Variants in MALRD1 observed in about 807,000 individuals in gnomAD.
The protein encoded by MALRD1 is MAM and LDL-receptor class A domain-containing protein 1.
MALRD1 carries 247 observed loss-of-function variants against 242.1 expected under a neutral mutation model. That is an observed-to-expected ratio of 1.02 (90% CI 0.92 to 1.13). The LOEUF (loss-of-function observed/expected upper bound fraction) is 1.13, where lower values mean the gene tolerates loss of function less well. Ranked by LOEUF, MALRD1 falls within the 50% of genes most tolerant of loss-of-function variation. The probability of loss-of-function intolerance (pLI) is 0.00; values close to 1 mark genes in which losing one functional copy is unlikely to be tolerated. For synonymous variants in MALRD1, 995 were observed against 866.6 expected, an observed-to-expected ratio of 1.15 and a Z score of -2.60; for missense variants, 2,989 against 2,533.1, an observed-to-expected ratio of 1.18 and a Z score of -3.86.
At chr10:19,542,719 T>G (rs1181091836) in intron 32 of MALRD1, among the ~76,000 whole-genome samples, 3 of 152,134 alleles carry the variant, frequency 2.0e-5, no homozygotes, top group Non-Finnish European at 2.9e-5. Context: ...GATAAATAGA[T>G]GTTAGAAATA....
chr10:19,455,628 G>A (rs567020221), intron 29 of MALRD1, among the ~76,000 whole-genome samples: 21 of 152,298 alleles, frequency 1.4e-4, no homozygotes, highest in Admixed American at 1.4e-3. Context: ...GATATAGCAA[G>A]CATCTGAATA....
intron 29 of MALRD1, among the ~76,000 whole-genome samples, chr10:19,481,037 C>A (rs1470742209): frequency 6.6e-6 from 1 of 152,022 alleles, no homozygotes; most frequent in Non-Finnish European, 1.5e-5. Flanking sequence ...TATATATATA[C>A]TTTTCTTTCA....
At chr10:19,356,056 A>G (rs1177738317) in intron 26 of MALRD1, among the ~76,000 whole-genome samples, 2 of 151,508 alleles carry the variant, frequency 1.3e-5, no homozygotes, top group Non-Finnish European at 2.9e-5. Flanking sequence ...GGTTGGATGA[A>G]TGAGCTCTAA....
intron 31 of MALRD1, among the ~76,000 whole-genome samples, chr10:19,502,046 G>T (rs1387763370): frequency 3.5e-5 from 5 of 142,138 alleles, no homozygotes; most frequent in South Asian, 2.2e-4. Context: ...GAAAAGAAAA[G>T]AAAAGAAGAA....
At chr10:19,235,242 C>G (rs1319878994) in intron 18 of MALRD1, among the ~76,000 whole-genome samples, 1 of 152,066 alleles carries the variant, frequency 6.6e-6, no homozygotes, top group Admixed American at 6.6e-5. Context: ...TAAAAATATA[C>G]AGACACTTCC....
intron 38 of MALRD1, among the ~76,000 whole-genome samples, chr10:19,709,297 G>T (rs1427125967): frequency 6.7e-6 from 1 of 150,364 alleles, no homozygotes; most frequent in Non-Finnish European, 1.5e-5. Context: ...ATGGTGGCAT[G>T]CACCAGCTAC....
chr10:19,558,430 C>G (rs1208433046), intron 32 of MALRD1, among the ~76,000 whole-genome samples: 1 of 152,144 alleles, frequency 6.6e-6, no homozygotes, highest in African/African-American at 2.4e-5. Flanking sequence ...AGTTCCCTAA[C>G]AGTTGTCATC....
intron 36 of MALRD1, among the ~76,000 whole-genome samples, chr10:19,678,813 G>A (rs1032844013): frequency 1.3e-4 from 20 of 152,080 alleles, no homozygotes; most frequent in Non-Finnish European, 1.5e-4. Context: ...ATTATTTTGA[G>A]ATACGTTCCA....
At chr10:19,590,513 G>A (rs1020958454) in intron 33 of MALRD1, among the ~76,000 whole-genome samples, 1 of 151,666 alleles carries the variant, frequency 6.6e-6, no homozygotes, top group Non-Finnish European at 1.5e-5. Context: ...GATTTAGAGT[G>A]TGCCTTAAAG....
At chr10:19,699,372 C>T (rs1344025457) in intron 38 of MALRD1, among the ~76,000 whole-genome samples, 3 of 150,214 alleles carry the variant, frequency 2.0e-5, no homozygotes, top group East Asian at 4.0e-4. Context: ...TGCAGATCCA[C>T]GGAAGACGTG....
chr10:19,185,814 A>AGTGTGTGT (rs5783657), intron 14 of MALRD1, among the ~76,000 whole-genome samples: 4,464 of 148,294 alleles, frequency 0.03, 92 homozygotes, highest in East Asian at 0.054. Flanking sequence ...GTTTTGAGAT[A>AGTGTGTGT]GTGTGTGTGT....
At chr10:19,219,833 C>T (rs955637011) in intron 18 of MALRD1, among the ~76,000 whole-genome samples, 1 of 151,940 alleles carries the variant, frequency 6.6e-6, no homozygotes, top group African/African-American at 2.4e-5. Context: ...TGGGATCCTA[C>T]ATGCTAATAT....
chr10:19,715,917 A>G lies in MALRD1; in HGVS notation c.6315-14789A>G, dbSNP rs186674766. 2.6e-5 allele frequency among the ~76,000 whole-genome samples: 4 copies of G among 152,304 alleles called. No homozygotes were observed. The East Asian group carries it at 7.7e-4, about 29-fold the overall frequency. On this transcript the variant is annotated intron_variant, in intron 38 of 39. Transcript: ENST00000454679. ...CTGCAAGGGCAGCACTAAGCCCTTC[A>G]TGGGGGATCTGCCCCCATGGCCCAA...
chr10:19,122,203 T>G (rs1377786670), intron 5 of MALRD1, among the ~76,000 whole-genome samples: 2 of 152,062 alleles, frequency 1.3e-5, no homozygotes, highest in Non-Finnish European at 2.9e-5. Context: ...TGAAAATAAT[T>G]TAGGATCCTG....
intron 28 of MALRD1, among the ~76,000 whole-genome samples, chr10:19,406,065 C>T (rs958819317): frequency 5.3e-5 from 8 of 152,082 alleles, no homozygotes; most frequent in African/African-American, 1.9e-4. Context: ...TATTTAGAAT[C>T]CATAAGCCAC....
chr10:19,622,594 T>G (rs1839454066), intron 36 of MALRD1, among the ~76,000 whole-genome samples: 1 of 151,022 alleles, frequency 6.6e-6, no homozygotes, highest in South Asian at 2.1e-4. Flanking sequence ...GGTAAACAAT[T>G]AGATATTGCA....
intron 4 of MALRD1, among the ~76,000 whole-genome samples, chr10:19,094,704 G>A (rs1188940394): frequency 6.6e-6 from 1 of 152,174 alleles, no homozygotes; most frequent in Non-Finnish European, 1.5e-5. Context: ...TGAGGAAGGA[G>A]ACTGTTTAAA....
At chr10:19,245,955 C>A (rs1274252257) in intron 18 of MALRD1, among the ~76,000 whole-genome samples, 1 of 152,132 alleles carries the variant, frequency 6.6e-6, no homozygotes, top group Non-Finnish European at 1.5e-5. Context: ...CTTTAAATTT[C>A]ATTACAAAGA....
intron 36 of MALRD1, among the ~76,000 whole-genome samples, chr10:19,678,620 G>T (rs1234015669): frequency 6.7e-6 from 1 of 150,342 alleles, no homozygotes; most frequent in African/African-American, 2.4e-5. Flanking sequence ...TGTAATTCTT[G>T]CTATTTGGAT....
Sources: allele counts gnomAD v4.1 joint callset (sites outside exome capture counted in the v4.1 genomes callset), GRCh38; gene constraint gnomAD v4.1.1; transcripts MANE v1.5; gene names NCBI Gene and HGNC (gene_info 2026-07-23, HGNC 2026-07-21).